Variants in B4GALT1 observed in about 807,000 individuals in gnomAD.
The protein encoded by B4GALT1 is N-acetyllactosamine synthase.
Under a neutral mutation model 34.9 loss-of-function variants are expected in B4GALT1, and 16 were observed. The ratio of observed to expected loss-of-function variants is 0.46; its 90% CI spans 0.31 to 0.70. The LOEUF (loss-of-function observed/expected upper bound fraction) is 0.70, where lower values mean the gene tolerates loss of function less well. B4GALT1 is among the 30% of genes least tolerant of loss of function. The pLI is 0.05. For synonymous variants in B4GALT1, 221 were observed against 218.1 expected (o/e 1.01, Z -0.12); for missense variants, 445 against 530.5 (o/e 0.84, Z 1.58).
intron 1 of B4GALT1, among the ~76,000 whole-genome samples, chr9:33,162,126 T>C (rs1840684315): frequency 6.6e-6 from 1 of 152,214 alleles, no homozygotes; most frequent in South Asian, 2.1e-4. Context: ...CCCAGTGATA[T>C]CTCATTATAA....
In B4GALT1 at chr9:33,112,569, T is replaced by C. The variant is rs1380637670; in HGVS notation, c.*885A>G. 6.6e-6 allele frequency: 1 copy of C among 152,650 alleles called. No homozygotes were observed. Among genetic ancestry groups the C allele is most frequent in the African/African-American group, 2.4e-5 (1 of 41,458 alleles). The allele number at this position is 152,650 out of a possible 1,614,324, so 9.5% of individuals were successfully genotyped here. ...AAAAAATGCTCAATACCCCTCCCCA[T>C]ATTTAAAACACCACAATAAAAATAC... On this transcript the variant is annotated 3_prime_UTR_variant, in exon 6 of 6. Coordinates refer to ENST00000379731, the MANE Select transcript of B4GALT1 (RefSeq NM_001497.4).
intron 1 of B4GALT1, among the ~76,000 whole-genome samples, chr9:33,141,846 T>A (rs1324264219): frequency 6.6e-6 from 1 of 152,106 alleles, no homozygotes; most frequent in Non-Finnish European, 1.5e-5. Flanking sequence ...AAGGTTTCCA[T>A]AAACCTACAA....
At chr9:33,107,758 TC>T (rs1839809729), downstream of B4GALT1, among the ~76,000 whole-genome samples, 2 of 152,078 alleles carry the variant, frequency 1.3e-5, no homozygotes, top group African/African-American at 4.8e-5. Flanking sequence ...TCTTCCTCCT[TC>T]CTCCCTCCCT....
intron 1 of B4GALT1, among the ~76,000 whole-genome samples, chr9:33,141,156 T>C (rs1349759767): frequency 6.6e-6 from 1 of 152,094 alleles, no homozygotes; most frequent in African/African-American, 2.4e-5. Context: ...TGCCAGGTGG[T>C]ATAGGGCATG....
chr9:33,131,277 C>T (rs953480510), intron 2 of B4GALT1, among the ~76,000 whole-genome samples: 1 of 152,212 alleles, frequency 6.6e-6, no homozygotes, highest in African/African-American at 2.4e-5. Flanking sequence ...GAGCCTGTCC[C>T]TCTCTGAGCC....
At chr9:33,149,301 G>A (rs1220453017) in intron 1 of B4GALT1, among the ~76,000 whole-genome samples, 1 of 149,986 alleles carries the variant, frequency 6.7e-6, no homozygotes, top group Non-Finnish European at 1.5e-5. Context: ...TTTTTTTTGA[G>A]ACAGAGTCTC....
chr9:33,181,819 G>C, the B4GALT1 span, among the ~76,000 whole-genome samples: 1 of 152,282 alleles, frequency 6.6e-6, no homozygotes, highest in Non-Finnish European at 1.5e-5. Flanking sequence ...TGCTGTATTA[G>C]TTTCCAAGGA....
At chr9:33,164,760 T>C (rs1840723328) in intron 1 of B4GALT1, among the ~76,000 whole-genome samples, 1 of 152,224 alleles carries the variant, frequency 6.6e-6, no homozygotes, top group South Asian at 2.1e-4. Context: ...AACTTGCTAA[T>C]TATTTTTTCT....
At chr9:33,104,795 C>A (rs1235690338) in intron 2 of B4GALT1, 8 of 445,972 alleles carry the variant, frequency 1.8e-5, no homozygotes, top group Middle Eastern at 3.4e-4. Flanking sequence ...TGGTAAAATA[C>A]ACATAACAGA....
intron 2 of B4GALT1, among the ~76,000 whole-genome samples, chr9:33,129,413 C>T (rs988059053): frequency 6.6e-6 from 1 of 152,216 alleles, no homozygotes; most frequent in African/African-American, 2.4e-5. Flanking sequence ...AGGGATCCTG[C>T]AAGTTCCCAA....
intron 1 of B4GALT1, among the ~76,000 whole-genome samples, chr9:33,136,458 C>T (rs563625687): frequency 1.5e-4 from 23 of 152,218 alleles, no homozygotes; most frequent in African/African-American, 4.8e-4. Flanking sequence ...CAGACCAGAC[C>T]GCCTCAAAAT....
chr9:33,143,467 C>T (rs764335700), intron 1 of B4GALT1, among the ~76,000 whole-genome samples: 10 of 152,248 alleles, frequency 6.6e-5, no homozygotes, highest in Admixed American at 2.0e-4. Flanking sequence ...AAGTTGCTTT[C>T]GCAATGCTGG....
chr9:33,127,638 C>G (rs1044962655), intron 2 of B4GALT1, among the ~76,000 whole-genome samples: 1 of 152,120 alleles, frequency 6.6e-6, no homozygotes, highest in African/African-American at 2.4e-5. Context: ...TGGACATTAC[C>G]TAAGGGACTT....
At chr9:33,136,308 C>T (rs1407437566) in intron 1 of B4GALT1, among the ~76,000 whole-genome samples, 5 of 151,964 alleles carry the variant, frequency 3.3e-5, no homozygotes, top group African/African-American at 1.2e-4. Flanking sequence ...TGTGAGGTAA[C>T]GGCAGGTGGG....
At chr9:33,130,357 G>A (rs551856915) in intron 2 of B4GALT1, among the ~76,000 whole-genome samples, 56 of 151,948 alleles carry the variant, frequency 3.7e-4, no homozygotes, top group Admixed American at 9.2e-4. Flanking sequence ...TTCTCCTTCT[G>A]TTGCTTCTTT....
At chr9:33,150,678 T>A (rs1025922443) in intron 1 of B4GALT1, among the ~76,000 whole-genome samples, 3 of 152,204 alleles carry the variant, frequency 2.0e-5, no homozygotes, top group Admixed American at 2.0e-4. Context: ...AAAATATGTA[T>A]GTGTTAAAAT....
chr9:33,126,661 C>CCATTGTTAACATTGTT (rs1564040681), intron 2 of B4GALT1, among the ~76,000 whole-genome samples: 198 of 36,682 alleles, frequency 5.4e-3, no homozygotes, highest in Non-Finnish European at 8.6e-3. Context: ...TTAACCATAG[C>CCATTGTTAACATTGTT]AATATGGTAG....
At chr9:33,126,078 C>T (rs1258924339) in intron 2 of B4GALT1, among the ~76,000 whole-genome samples, 1 of 152,202 alleles carries the variant, frequency 6.6e-6, no homozygotes, top group Non-Finnish European at 1.5e-5. Flanking sequence ...CCACACCCCT[C>T]CCCACCATGC....
chr9:33,180,605 C>G, the B4GALT1 span, among the ~76,000 whole-genome samples: 1 of 152,180 alleles, frequency 6.6e-6, no homozygotes, highest in Non-Finnish European at 1.5e-5. Flanking sequence ...TTTAACACCA[C>G]TGCTACAGGA....
Sources: gnomAD v4.1 joint callset for allele counts (sites outside exome capture counted in the v4.1 genomes callset) on GRCh38, gnomAD v4.1.1 for gene constraint, MANE v1.5 for transcripts, NCBI Gene and HGNC (gene_info 2026-07-23, HGNC 2026-07-21) for gene names.